Variants in SCAF1 observed in about 807,000 individuals in gnomAD.
The protein encoded by SCAF1 is splicing factor, arginine/serine-rich 19.
SCAF1 carries 28 observed loss-of-function variants against 91.2 expected under a neutral mutation model. That is an observed-to-expected ratio of 0.31 (90% confidence interval 0.23 to 0.42). The LOEUF is 0.42. Ranked by LOEUF, SCAF1 falls within the 10% of genes least tolerant of loss-of-function variation. The pLI, the probability that SCAF1 is intolerant of heterozygous loss-of-function variation, is 1.00. For missense variants in SCAF1, 1,893 were observed against 1,872.1 expected, an observed-to-expected ratio of 1.01 and a Z score of -0.21; for synonymous variants, 1,036 against 833.7, an observed-to-expected ratio of 1.24 and a Z score of -4.18.
chr19:49,651,638 G>T lies in SCAF1; in HGVS notation c.1249G>T (p.Ala417Ser), dbSNP rs753431761. 6.9e-7 allele frequency: 1 copy of T among 1,441,682 alleles called. No individual in the cohort carries two copies. Among genetic ancestry groups the T allele is most frequent in the Non-Finnish European group, 9.1e-7 (1 of 1,103,896 alleles). 89.3% of individuals were successfully genotyped at this position (1,441,682 alleles called of 1,614,324 possible). ...LSLFRPGGRA[A>S]RPTPAASATP... Reference sequence around the variant, plus strand: ...CCTCTTCCGCCCCGGCGGCCGGGCCGCCCGGCCTACACCGGCCGCCTCGGC... The same window carrying T: ...CCTCTTCCGCCCCGGCGGCCGGGCCTCCCGGCCTACACCGGCCGCCTCGGC... Residue 417 changes from alanine to serine, a missense_variant, in exon 7 of 11, where the codon GCC (alanine) becomes TCC (serine). Around this residue, in one of 5 missense-constraint regions of SCAF1, gnomAD observed 1,436 missense variants for 1,306.8 expected, o/e 1.10. Transcript: ENST00000360565.
chr19:49,651,269 A>G lies in SCAF1; in HGVS notation c.880A>G (p.Ile294Val), dbSNP rs750869665. The G allele has an allele frequency of 6.2e-7, 1 of 1,612,040 alleles. No individual in the cohort carries two copies. Among genetic ancestry groups the G allele is most frequent in the East Asian group, 2.2e-5 (1 of 44,826 alleles). The change falls in exon 7 of 11, where the codon ATC becomes GTC. Residue 294 changes from isoleucine to valine, a missense_variant. Ile to Val is a conservative substitution (Grantham distance 29). This residue lies in a region of SCAF1 where 80 missense variants were observed against 116.6 expected (regional missense o/e 0.69). Transcript: ENST00000360565. ...GGAGGAGGAAGGCCTGTCCCAGAGC[A>G]TCAGCCGCATCTCGGAGACCCTGGC... ...EEEEEGLSQS[I>V]SRISETLAGI...
intron 6 of SCAF1, among the ~76,000 whole-genome samples, chr19:49,648,256 C>T (rs566733166): frequency 1.3e-5 from 2 of 151,644 alleles, no homozygotes; most frequent in South Asian, 2.1e-4. Flanking sequence ...ATTATAGGTG[C>T]GCATGCCACC....
chr19:49,658,216 C>A lies in SCAF1; in HGVS notation c.3756C>A (p.His1252Gln). 6.2e-7 allele frequency: 1 copy of A among 1,612,148 alleles called. No individual in the cohort carries two copies. ...TGTCCCCGGCCCCCCAGATCTGCCA[C>A]AGCAAAAGTGGGGAAATCAACCCAG... The part of the protein sequence containing the change: ...ILRKAVHKIC[H>Q]SKSGEINPVK... The change falls in exon 11 of 11, where the codon CAC (histidine) becomes CAA (glutamine). Residue 1252 changes from histidine to glutamine, a missense_variant. Physicochemically the swap from His to Gln is conservative, Grantham distance 24. Transcript: ENST00000360565.
rs1355516908 is a variant in SCAF1 at position 49,653,014 on chromosome 19, C to G, written c.2625C>G (p.Pro875=). ...GCCGTGACCGCGAGAGTCGCTCCCCCTTCCTCAAACCTGACGAGCGGGCCC... is the reference window on the plus strand; with the variant it reads ...GCCGTGACCGCGAGAGTCGCTCCCCGTTCCTCAAACCTGACGAGCGGGCCC... ...KFSRDRESRS[P]FLKPDERAPT... The change falls in exon 7 of 11, where the codon CCC becomes CCG. Residue 875 remains proline (P), a synonymous_variant. Coordinates refer to ENST00000360565, the MANE Select transcript of SCAF1 (RefSeq NM_021228.3). The G allele has an allele frequency of 6.2e-7, 1 of 1,613,920 alleles. No individual in the cohort carries two copies. The highest frequency in any genetic ancestry group is 8.5e-7 in the Non-Finnish European group (1 of 1,180,060).
chr19:49,652,032 C>T lies in SCAF1; in HGVS notation c.1643C>T (p.Ser548Leu), dbSNP rs922705185. 2.7e-5 allele frequency: 33 copies of T among 1,228,722 alleles called. No homozygotes were observed. The highest frequency in any genetic ancestry group is 3.4e-5 in the Non-Finnish European group (33 of 973,492). 76.1% of individuals were successfully genotyped at this position (1,228,722 alleles called of 1,614,324 possible). ...CAGCCAGCGCCGCCCGCCCCGGCCT[C>T]GCCCTGGGACTCCAAGAAGCACCGC... ...GTQPAPPAPASPWDSKKHRSR... is the reference protein window; with the variant it reads ...GTQPAPPAPALPWDSKKHRSR... Residue 548 changes from serine to leucine, a missense_variant, in exon 7 of 11, where the codon TCG becomes TTG. Physicochemically the swap from Ser to Leu is moderately radical, Grantham distance 145. Transcript: ENST00000360565.
Position 49,658,592 on chromosome 19 carries a change from T to C in SCAF1, c.*193T>C. The C allele has an allele frequency of 1.7e-6, 1 of 580,940 alleles. No individual in the cohort carries two copies. Among genetic ancestry groups the C allele is most frequent in the African/African-American group, 2.1e-5 (1 of 47,654 alleles). 36.0% of individuals were successfully genotyped at this position (580,940 alleles called of 1,614,324 possible). ...CAAGCCTGTCCCCAGTGCCCCTCCC[T>C]TCTGTTTGTGCCCCTCTCCCCAATT... On this transcript the variant is annotated 3_prime_UTR_variant, in exon 11 of 11. Coordinates refer to ENST00000360565, the MANE Select transcript of SCAF1 (RefSeq NM_021228.3).
chr19:49,657,366 C>T (rs1182370431), intron 9 of SCAF1, among the ~76,000 whole-genome samples: 2 of 152,096 alleles, frequency 1.3e-5, no homozygotes, highest in African/African-American at 4.8e-5. Flanking sequence ...CCTCCCCGCT[C>T]CCGCGGTGAA....
intron 6 of SCAF1, among the ~76,000 whole-genome samples, chr19:49,649,296 G>A (rs1235494645): frequency 1.3e-5 from 2 of 152,184 alleles, no homozygotes; most frequent in African/African-American, 4.8e-5. Flanking sequence ...TTGTGCTTAA[G>A]GTGCTGGGAA....
rs1173322524 is a variant in SCAF1, at chr19:49,642,265, G to A, written c.-7+23G>A. On this transcript the variant is annotated intron_variant, in intron 1 of 10. Coordinates refer to ENST00000360565, the MANE Select transcript of SCAF1 (RefSeq NM_021228.3). This position sits in a 1 kb window ranked among gnomAD's most constrained non-coding sequence, Gnocchi z 4.0. ...GGGGTAAGATGGCGGCGGCAGTCCG[G>A]GCCGCGGGGCTCGGGCCTATTGGGG... 6.6e-6 allele frequency: 1 copy of A among 152,162 alleles called. No homozygotes were observed. The highest frequency in any genetic ancestry group is 2.1e-4 in the South Asian group (1 of 4,836). 9.4% of individuals were successfully genotyped at this position (152,162 alleles called of 1,614,324 possible).
At position 49,650,959 on chromosome 19, in the gene SCAF1, C is replaced by T. The variant is rs373203311; in HGVS notation, c.570C>T (p.Pro190=). The T allele has an allele frequency of 1.3e-6, 2 of 1,535,436 alleles. No individual in the cohort carries two copies. Among genetic ancestry groups the T allele is most frequent in the Non-Finnish European group, 1.8e-6 (2 of 1,125,832 alleles). ...GGGGCCCTGCCCCACCCCCTGCCCC[C>T]TCCTCTGCATCCTCCTCCCCTTCCC... ...GDGGPAPPPA[P]SSASSSPSPS... is the part of the protein sequence containing the mutation. The change falls in exon 7 of 11, where the codon CCC becomes CCT. Residue 190 remains proline (P), a synonymous_variant. Coordinates refer to ENST00000360565, the MANE Select transcript of SCAF1 (RefSeq NM_021228.3).
intron 6 of SCAF1, among the ~76,000 whole-genome samples, chr19:49,648,587 G>A (rs1294742794): frequency 7.0e-6 from 1 of 142,314 alleles, no homozygotes; most frequent in African/African-American, 2.7e-5. Context: ...TTTAACAGCT[G>A]GAAATGATTT....
chr19:49,654,591 G>A, intron 8 of SCAF1, 61 bp from the exon 9 acceptor site: 1 of 1,398,506 alleles, frequency 7.2e-7, no homozygotes, highest in Non-Finnish European at 1.0e-6. Flanking sequence ...ACAGTGGGGT[G>A]CACGTCCCCT....
At position 49,652,988 on chromosome 19, in the gene SCAF1, A is replaced by C; in HGVS notation, c.2599A>C (p.Ser867Arg). ...AGLGSIGVKFSRDRESRSPFL... is the reference protein window; with the variant it reads ...AGLGSIGVKFRRDRESRSPFL... ...CCTGGGCTCCATTGGCGTCAAATTC[A>C]GCCGTGACCGCGAGAGTCGCTCCCC... The change falls in exon 7 of 11, where the codon AGC (serine) becomes CGC (arginine). Residue 867 changes from serine to arginine, a missense_variant. Around this residue, in one of 5 missense-constraint regions of SCAF1, gnomAD observed 1,436 missense variants for 1,306.8 expected, o/e 1.10. Coordinates refer to ENST00000360565, the MANE Select transcript of SCAF1 (RefSeq NM_021228.3). The C allele has an allele frequency of 6.2e-7, 1 of 1,613,976 alleles. No individual in the cohort carries two copies. Among genetic ancestry groups the C allele is most frequent in the Non-Finnish European group, 8.5e-7 (1 of 1,180,016 alleles).
In SCAF1 at chr19:49,652,195, C is replaced by T. The variant is rs1331774017; in HGVS notation, c.1806C>T (p.Ser602=). The part of the protein sequence containing the change: ...RRRGGSRRSR[S]REKRRRRRRS... ...GCGGGGGCAGCCGCAGGTCGCGGTC[C>T]CGGGAGAAGCGGCGACGGCGGCGGC... The change falls in exon 7 of 11, where the codon TCC becomes TCT. Residue 602 remains serine (S), a synonymous_variant. Transcript: ENST00000360565. 3.0e-5 allele frequency: 38 copies of T among 1,284,184 alleles called. No homozygotes were observed. Among genetic ancestry groups the T allele is most frequent in the Non-Finnish European group, 3.4e-5 (35 of 1,015,742 alleles). 79.5% of individuals were successfully genotyped at this position (1,284,184 alleles called of 1,614,324 possible).
At position 49,652,816 on chromosome 19, in the gene SCAF1, A is replaced by G; in HGVS notation, c.2427A>G (p.Pro809=). 6.2e-7 allele frequency: 1 copy of G among 1,613,924 alleles called. No individual in the cohort carries two copies. Among genetic ancestry groups the G allele is most frequent in the Non-Finnish European group, 8.5e-7 (1 of 1,179,974 alleles). Residue 809 remains proline (P), a synonymous_variant, in exon 7 of 11, where the codon CCA becomes CCG. Transcript: ENST00000360565. ...KESAPSSGPP[P]KPPVSSGSGS... ...CGGCGCCTTCCTCAGGGCCCCCGCC[A>G]AAGCCACCAGTCAGCAGCGGCTCAG...
In SCAF1 at chr19:49,651,280, C is replaced by T. The variant is rs1309772613; in HGVS notation, c.891C>T (p.Ile297=). 1.9e-6 allele frequency: 3 copies of T among 1,611,818 alleles called. No homozygotes were observed. In the Admixed American group the frequency reaches 5.0e-5, roughly 27 times the overall value. The change falls in exon 7 of 11, where the codon ATC becomes ATT. Residue 297 remains isoleucine, a synonymous_variant. Transcript: ENST00000360565. ...GCCTGTCCCAGAGCATCAGCCGCAT[C>T]TCGGAGACCCTGGCGGGCATCTACG... ...EEGLSQSISR[I]SETLAGIYDD... is the part of the protein sequence containing the mutation.
chr19:49,652,109 TCCCG>T lies in SCAF1; in HGVS notation c.1722_1725del (p.Arg575ProfsTer162). Reference sequence around the variant, plus strand: ...CGCCTCGTCGTCCGCCCGCCGCCGCTCCCGCTCCCGCTCCCGCTCCCGCTCCACC... The same window carrying T: ...CGCCTCGTCGTCCGCCCGCCGCCGCTCTCCCGCTCCCGCTCCCGCTCCACC... On this transcript the variant is annotated frameshift_variant, in exon 7 of 11. Transcript: ENST00000360565. LOFTEE classifies it high-confidence loss of function. 1 of 424,586 alleles carries T rather than the reference TCCCG, an allele frequency of 2.4e-6. No homozygotes were observed. 26.3% of individuals were successfully genotyped at this position (424,586 alleles called of 1,614,324 possible).
chr19:49,656,311 C>T (rs2081139067), intron 9 of SCAF1, among the ~76,000 whole-genome samples: 1 of 152,212 alleles, frequency 6.6e-6, no homozygotes, highest in African/African-American at 2.4e-5. Context: ...TGAGAAGTCC[C>T]TCCAGGGCAG....
chr19:49,652,108 CT>C lies in SCAF1; in HGVS notation c.1720del (p.Ser574ProfsTer164). 1 of 424,502 alleles carries C rather than the reference CT, an allele frequency of 2.4e-6. No homozygotes were observed. Among genetic ancestry groups the C allele is most frequent in the Non-Finnish European group, 2.7e-6 (1 of 371,216 alleles). The allele number at this position is 424,502 out of a possible 1,614,324, so 26.3% of individuals were successfully genotyped here. ...ACGCCTCGTCGTCCGCCCGCCGCCG[CT>C]CCCGCTCCCGCTCCCGCTCCCGCTC... is the stretch of plus-strand genomic sequence containing the variant. The part of the protein sequence containing the change: ...SHASSSARRR[S>X]RSRSRSRSTR... On this transcript the variant is annotated frameshift_variant, in exon 7 of 11. Coordinates refer to ENST00000360565, the MANE Select transcript of SCAF1 (RefSeq NM_021228.3). LOFTEE classifies it high-confidence loss of function.
Sources: allele counts gnomAD v4.1 joint callset (sites outside exome capture counted in the v4.1 genomes callset), GRCh38; gene constraint gnomAD v4.1.1; regional missense constraint gnomAD v4.1.1; non-coding constraint Gnocchi (gnomAD v3.1); transcripts MANE v1.5; gene names NCBI Gene and HGNC (gene_info 2026-07-23, HGNC 2026-07-21).